ZSCAN1: variants seen among roughly 807,000 people sequenced by gnomAD.
ZSCAN1 encodes the protein zinc finger and SCAN domain containing 1.
In ZSCAN1, 23 loss-of-function variants were observed where a neutral mutation model predicts 23.8. The ratio of observed to expected loss-of-function variants is 0.97; its 90% CI spans 0.70 to 1.37. ZSCAN1 has a LOEUF of 1.37. Among genes scored for constraint, ZSCAN1 ranks in the 40% most tolerant of loss-of-function variants. The pLI, the probability that ZSCAN1 is intolerant of heterozygous loss-of-function variation, is 0.00. For missense variants in ZSCAN1, 575 were observed against 554.0 expected (o/e 1.04, Z -0.38); for synonymous variants, 236 against 232.3 (o/e 1.02, Z -0.15).
Position 58,040,597 on chromosome 19 carries a change from G to A in ZSCAN1, c.465+53G>A, listed in dbSNP as rs375604504. 7.3e-4 allele frequency: 1,144 copies of A among 1,570,160 alleles called. 2 individuals carry two copies. The highest frequency in any genetic ancestry group is 9.3e-4 in the Non-Finnish European group (1,064 of 1,142,570). On this transcript the variant is annotated intron_variant, in intron 4 of 5. Transcript: ENST00000282326. This position sits in a 1 kb window ranked among gnomAD's most constrained non-coding sequence, Gnocchi z 5.8. The stretch of plus-strand genomic sequence containing the variant: ...TCCTGCACCCCAGGGCATGCGTGCC[G>A]CTTCTGGGACGGCCTCAAGGATGCC...
In ZSCAN1 at chr19:58,053,494, C is replaced by G. The variant is rs981982009; in HGVS notation, c.670C>G (p.Pro224Ala). Residue 224 changes from proline (P) to alanine (A), a missense_variant, in exon 6 of 6, where the codon CCC becomes GCC. By Grantham distance (27) the Pro-to-Ala change is conservative (BLOSUM62 -1). Coordinates refer to ENST00000282326, the MANE Select transcript of ZSCAN1 (RefSeq NM_182572.4). This position sits in a 1 kb window ranked among gnomAD's most constrained non-coding sequence, Gnocchi z 5.8. ...WDEPEDLLAGPSSDLRAEGTV... is the reference protein window; with the variant it reads ...WDEPEDLLAGASSDLRAEGTV... ...CGAGCCTGAGGACCTTCTCGCAGGG[C>G]CCTCCTCAGACCTGCGGGCAGAAGG... 7.4e-6 allele frequency: 12 copies of G among 1,614,100 alleles called. No individual in the cohort carries two copies. Among genetic ancestry groups the G allele is most frequent in the Non-Finnish European group, 1.0e-5 (12 of 1,180,012 alleles).
Position 58,045,819 on chromosome 19 carries a change from C to T in ZSCAN1, c.465+5275C>T, listed in dbSNP as rs1194477233. The stretch of plus-strand genomic sequence containing the variant: ...TCCCCACATCGCTGCTCATCCTGTC[C>T]CGGACCATGTAGCTCCCGGACACCC... On this transcript the variant is annotated intron_variant, in intron 4 of 5. Transcript: ENST00000282326. The surrounding 1 kb of genome is among the most constrained non-coding windows in gnomAD (Gnocchi z 4.3). 6.6e-7 allele frequency: 1 copy of T among 1,508,484 alleles called. No individual in the cohort carries two copies. The highest frequency in any genetic ancestry group is 1.1e-5 in the South Asian group (1 of 88,674). The allele number at this position is 1,508,484 out of a possible 1,614,324, so 93.4% of individuals were successfully genotyped here.
downstream of ZSCAN1, among the ~76,000 whole-genome samples, chr19:58,056,273 C>T (rs1230581274): frequency 2.0e-5 from 3 of 152,208 alleles, no homozygotes; most frequent in Non-Finnish European, 2.9e-5. Flanking sequence ...GCCTCCACAG[C>T]CCCCAGCACT....
In ZSCAN1 at chr19:58,053,901, G is replaced by T. The variant is rs375303541; in HGVS notation, c.1077G>T (p.Glu359Asp). The T allele has an allele frequency of 3.1e-6, 5 of 1,613,076 alleles. No homozygotes were observed. In the African/African-American group the frequency reaches 6.7e-5, roughly 22 times the overall value. ...CCCCCCGGAGCAAGGGCCCCCGGGA[G>T]TCCGTCCCACCCAGGGATGGAGCCC... ...KKAPRSKGPR[E>D]SVPPRDGAQG... Residue 359 changes from glutamate (E) to aspartate (D), a missense_variant, in exon 6 of 6, where the codon GAG becomes GAT. By Grantham distance (45) the Glu-to-Asp change is conservative. Coordinates refer to ENST00000282326, the MANE Select transcript of ZSCAN1 (RefSeq NM_182572.4). This position sits in a 1 kb window ranked among gnomAD's most constrained non-coding sequence, Gnocchi z 5.8.
chr19:58,050,990 G>A (rs566831290), intron 4 of ZSCAN1, among the ~76,000 whole-genome samples: 46 of 152,144 alleles, frequency 3.0e-4, no homozygotes, highest in Admixed American at 1.3e-3. Flanking sequence ...GTGGCTCACC[G>A]GGGCTATGGG....
intron 4 of ZSCAN1, among the ~76,000 whole-genome samples, chr19:58,051,787 C>T (rs575315753): frequency 2.6e-5 from 4 of 152,366 alleles, no homozygotes; most frequent in Admixed American, 2.0e-4. Flanking sequence ...GCACGTAGCA[C>T]CCACATCCTC....
In ZSCAN1 at chr19:58,054,007, C is replaced by T. The variant is rs974115072; in HGVS notation, c.1183C>T (p.Leu395Phe). 6.4e-7 allele frequency: 1 copy of T among 1,557,468 alleles called. No homozygotes were observed. Among genetic ancestry groups the T allele is most frequent in the South Asian group, 1.2e-5 (1 of 83,196 alleles). ...GAAGGCCTTCCCCTGGATGGTCCACCTCATTGACCACCAGAAGCTCCACAC... is the reference window on the plus strand; with the variant it reads ...GAAGGCCTTCCCCTGGATGGTCCACTTCATTGACCACCAGAAGCTCCACAC... Reference protein sequence around the residue: ...CGKAFPWMVHLIDHQKLHTAH... With the variant: ...CGKAFPWMVHFIDHQKLHTAH... Residue 395 changes from leucine (L) to phenylalanine (F), a missense_variant, in exon 6 of 6, where the codon CTC becomes TTC. Physicochemically the swap from Leu to Phe is conservative, Grantham distance 22. Transcript: ENST00000282326. The surrounding 1 kb of genome is among the most constrained non-coding windows in gnomAD (Gnocchi z 4.2).
chr19:58,035,626 G>A (rs1416431039), intron 1 of ZSCAN1: 1 of 152,252 alleles, frequency 6.6e-6, no homozygotes, highest in African/African-American at 2.4e-5. Context: ...ATATAAAAGT[G>A]TGAATACAAC....
intron 4 of ZSCAN1, among the ~76,000 whole-genome samples, chr19:58,048,872 A>T (rs1484597988): frequency 6.6e-6 from 1 of 151,988 alleles, no homozygotes; most frequent in Non-Finnish European, 1.5e-5. Context: ...CTCCCATCTC[A>T]GCTAGAATTA....
In ZSCAN1 at chr19:58,045,328, A is replaced by C; in HGVS notation, c.465+4784A>C. 1 of 795,776 alleles carries C rather than the reference A, an allele frequency of 1.3e-6. No homozygotes were observed. Among genetic ancestry groups the C allele is most frequent in the Non-Finnish European group, 2.3e-6 (1 of 432,422 alleles). The allele number at this position is 795,776 out of a possible 1,614,324, so 49.3% of individuals were successfully genotyped here. On this transcript the variant is annotated intron_variant, in intron 4 of 5. Transcript: ENST00000282326. This position sits in a 1 kb window ranked among gnomAD's most constrained non-coding sequence, Gnocchi z 4.3. ...TCCGAGACTCAGTCCATCAAGGAGA[A>C]GAGGCTGAAGGAGCTTCAGGTCAAG...
rs756000794 is a variant in ZSCAN1, at chr19:58,045,616, C to A, written c.465+5072C>A. 17 of 971,450 alleles carry A rather than the reference C, an allele frequency of 1.7e-5. No individual in the cohort carries two copies. The East Asian group carries it at 3.8e-4, about 22-fold the overall frequency. The allele number at this position is 971,450 out of a possible 1,614,324, so 60.2% of individuals were successfully genotyped here. ...CTTCCTGCGCTTCCAGCTCACGATG[C>A]GGCTGCGCTCCATAAAGGCAGAGGA... On this transcript the variant is annotated intron_variant, in intron 4 of 5. Coordinates refer to ENST00000282326, the MANE Select transcript of ZSCAN1 (RefSeq NM_182572.4). The surrounding 1 kb of genome is among the most constrained non-coding windows in gnomAD (Gnocchi z 4.3).
At chr19:58,042,351 G>C (rs1346417385) in intron 4 of ZSCAN1, among the ~76,000 whole-genome samples, 1 of 151,614 alleles carries the variant, frequency 6.6e-6, no homozygotes, top group South Asian at 2.1e-4. Flanking sequence ...TCTGCCTCCC[G>C]GGTTCACGCC....
In ZSCAN1 at chr19:58,037,910, A is replaced by T; in HGVS notation, c.74A>T (p.Asp25Val). 1 of 1,596,910 alleles carries T rather than the reference A, an allele frequency of 6.3e-7. No individual in the cohort carries two copies. Among genetic ancestry groups the T allele is most frequent in the Non-Finnish European group, 8.5e-7 (1 of 1,176,812 alleles). The change falls in exon 3 of 6, where the codon GAC (aspartate) becomes GTC (valine). Residue 25 changes from aspartate to valine, a missense_variant. Asp to Val is a radical substitution (Grantham distance 152, BLOSUM62 -3). Transcript: ENST00000282326. ...CCAACCCCGAGTGAGCAGGACGCAG[A>T]CCCTGGGCCAGCAAGCCCCAGGGAC... Reference protein sequence around the residue: ...QTPTPSEQDADPGPASPRDTE... With the variant: ...QTPTPSEQDAVPGPASPRDTE...
Position 58,037,864 on chromosome 19 carries a change from T to TAC in ZSCAN1, c.28_29insAC (p.Ser10TyrfsTer59). On this transcript the variant is annotated frameshift_variant, in exon 3 of 6. Transcript: ENST00000282326. LOFTEE classifies it high-confidence loss of function. ...GCTTCCACGGCCCAAAGCCCCTGCC[T>TAC]CCCCCAGACGCCCCCAGACCCCAAC... The TAC allele has an allele frequency of 1.3e-6, 2 of 1,515,198 alleles. No individual in the cohort carries two copies. The allele number at this position is 1,515,198 out of a possible 1,614,324, so 93.9% of individuals were successfully genotyped here.
At position 58,043,973 on chromosome 19, in the gene ZSCAN1, A is replaced by G. The variant is rs1398117895; in HGVS notation, c.465+3429A>G. 2.0e-5 allele frequency among the ~76,000 whole-genome samples: 3 copies of G among 151,602 alleles called. No individual in the cohort carries two copies. The East Asian group carries it at 6.0e-4, about 30-fold the overall frequency. On this transcript the variant is annotated intron_variant, in intron 4 of 5. Transcript: ENST00000282326. ...TGAGCCACTGTGCCTGGCGTAAAAA[A>G]CTTTCTGACTCTTGGGGCCGGGCGC...
chr19:58,046,617 C>T (rs569467155), intron 4 of ZSCAN1: 60 of 844,372 alleles, frequency 7.1e-5, no homozygotes, highest in Admixed American at 2.6e-4. Flanking sequence ...AGGTCAACGT[C>T]GACCACCTCA....
At chr19:58,038,920 C>T (rs1599900378) in intron 3 of ZSCAN1, among the ~76,000 whole-genome samples, 2 of 152,224 alleles carry the variant, frequency 1.3e-5, no homozygotes, top group East Asian at 3.8e-4. Context: ...CCAGCAGGGC[C>T]CCAGCAAGGA....
rs372351161 is a variant in ZSCAN1, at chr19:58,053,881, C to T, written c.1057C>T (p.Arg353Trp). The T allele has an allele frequency of 1.9e-5, 30 of 1,613,590 alleles. No homozygotes were observed. The highest frequency in any genetic ancestry group is 8.3e-5 in the Admixed American group (5 of 59,994). ...GGAGCCACCGAGGAAGAAAGCCCCC[C>T]GGAGCAAGGGCCCCCGGGAGTCCGT... is the stretch of plus-strand genomic sequence containing the variant. ...LLEPPRKKAP[R>W]SKGPRESVPP... Residue 353 changes from arginine to tryptophan, a missense_variant, in exon 6 of 6, where the codon CGG becomes TGG. By Grantham distance (101) the Arg-to-Trp change is moderately radical. Coordinates refer to ENST00000282326, the MANE Select transcript of ZSCAN1 (RefSeq NM_182572.4). The surrounding 1 kb of genome is among the most constrained non-coding windows in gnomAD (Gnocchi z 5.8).
Position 58,053,627 on chromosome 19 carries a change from C to G in ZSCAN1, c.803C>G (p.Thr268Ser). The change falls in exon 6 of 6, where the codon ACC (threonine) becomes AGC (serine). Residue 268 changes from threonine (T) to serine (S), a missense_variant. Physicochemically the swap from Thr to Ser is moderately conservative, Grantham distance 58 (BLOSUM62 1). Transcript: ENST00000282326. The surrounding 1 kb of genome is among the most constrained non-coding windows in gnomAD (Gnocchi z 5.8). ...SGRHQPSLKHTKGGTQEAVAG... is the reference protein window; with the variant it reads ...SGRHQPSLKHSKGGTQEAVAG... ...CGCCACCAGCCATCCCTCAAGCACA[C>G]CAAAGGTGGTACCCAAGAGGCTGTT... The G allele has an allele frequency of 6.2e-7, 1 of 1,614,168 alleles. No homozygotes were observed. Among genetic ancestry groups the G allele is most frequent in the Non-Finnish European group, 8.5e-7 (1 of 1,180,038 alleles).
Sources: allele counts gnomAD v4.1 joint callset (sites outside exome capture counted in the v4.1 genomes callset), GRCh38; gene constraint gnomAD v4.1.1; non-coding constraint Gnocchi (gnomAD v3.1); transcripts MANE v1.5; gene names NCBI Gene and HGNC (gene_info 2026-07-23, HGNC 2026-07-21).